Variants in SH3KBP1 observed in about 807,000 individuals in gnomAD.
The protein encoded by SH3KBP1 is SH3 domain-containing kinase-binding protein 1.
Under a neutral mutation model 50.1 loss-of-function variants are expected in SH3KBP1, and 8 were observed. The ratio of observed to expected loss-of-function variants is 0.16; its 90% confidence interval spans 0.09 to 0.29. The LOEUF (loss-of-function observed/expected upper bound fraction) is 0.29. Among genes scored for constraint, SH3KBP1 ranks in the 10% least tolerant of loss-of-function variants. The pLI, the probability that SH3KBP1 is intolerant of heterozygous loss-of-function variation, is 1.00. For missense variants in SH3KBP1, 377 were observed against 535.2 expected, an observed-to-expected ratio of 0.70 and a Z score of 2.92; for synonymous variants, 227 against 218.6, an observed-to-expected ratio of 1.04 and a Z score of -0.34.
At chrX:19,875,565 G>C (rs1321437729) in intron 1 of SH3KBP1, among the ~76,000 whole-genome samples, 4 of 112,377 alleles carry the variant, frequency 3.6e-5, no homozygotes, top group Admixed American at 1.9e-4. Context: ...ACAGGGCAGG[G>C]CTTCATTTGG....
intron 2 of SH3KBP1, among the ~76,000 whole-genome samples, chrX:19,822,717 A>C (rs1453180002): frequency 8.9e-6 from 1 of 112,026 alleles, no homozygotes; most frequent in Non-Finnish European, 1.9e-5. Context: ...GTGATTGTTT[A>C]AATTGTACCT....
At chrX:19,816,201 C>T (rs1390384488) in intron 2 of SH3KBP1, among the ~76,000 whole-genome samples, 2 of 112,401 alleles carry the variant, frequency 1.8e-5, no homozygotes, top group African/African-American at 6.5e-5. Context: ...TCCTAATGGC[C>T]ATTCTAATAG....
At chrX:19,804,871 G>A (rs865975153) in intron 2 of SH3KBP1, among the ~76,000 whole-genome samples, 1 of 8,209 alleles carries the variant, frequency 1.2e-4, no homozygotes, top group Admixed American at 1.2e-3. Context: ...CCCGCCCCCA[G>A]CCCAAACCCT....
At chrX:19,823,088 G>T (rs940908566) in intron 2 of SH3KBP1, among the ~76,000 whole-genome samples, 1 of 111,396 alleles carries the variant, frequency 9.0e-6, no homozygotes, top group African/African-American at 3.3e-5. Context: ...TCCTCTCCAA[G>T]ATTTTCCCCA....
chrX:19,542,887 C>A (rs898901664), intron 15 of SH3KBP1, among the ~76,000 whole-genome samples: 1 of 111,658 alleles, frequency 9.0e-6, no homozygotes, highest in Non-Finnish European at 1.9e-5. Flanking sequence ...GAAGTACAAG[C>A]GGCTAGGCGA....
intron 5 of SH3KBP1, among the ~76,000 whole-genome samples, chrX:19,694,412 G>C (rs1352429052): frequency 9.0e-6 from 1 of 110,923 alleles, no homozygotes; most frequent in Non-Finnish European, 1.9e-5. Context: ...TGTTAATAGA[G>C]AATCCCCCTG....
intron 13 of SH3KBP1, among the ~76,000 whole-genome samples, chrX:19,553,339 GT>G (rs755036229): frequency 9.0e-6 from 1 of 111,440 alleles, no homozygotes; most frequent in Non-Finnish European, 1.9e-5. Flanking sequence ...CCACCTGGCA[GT>G]TTAGGATTTC....
At chrX:19,549,339 A>G (rs1377502760) in intron 14 of SH3KBP1, among the ~76,000 whole-genome samples, 2 of 112,401 alleles carry the variant, frequency 1.8e-5, no homozygotes, top group Non-Finnish European at 3.8e-5. Context: ...TTTCTTCTTT[A>G]TACATTTTGT....
At chrX:19,793,261 G>T (rs1356712479) in intron 2 of SH3KBP1, among the ~76,000 whole-genome samples, 1 of 106,889 alleles carries the variant, frequency 9.4e-6, no homozygotes, top group African/African-American at 3.5e-5. Context: ...TCACACCACT[G>T]CACTCTGGCC....
intron 2 of SH3KBP1, among the ~76,000 whole-genome samples, chrX:19,805,600 C>T (rs1603255105): frequency 9.2e-6 from 1 of 108,665 alleles, no homozygotes; most frequent in African/African-American, 3.4e-5. Context: ...GTTCTCCGAA[C>T]CTGACAGATT....
intron 1 of SH3KBP1, among the ~76,000 whole-genome samples, chrX:19,872,178 G>A (rs942420782): frequency 2.0e-5 from 2 of 99,099 alleles, no homozygotes; most frequent in African/African-American, 7.5e-5. Context: ...CTTGAACCCA[G>A]GAGGTGGAGG....
At chrX:19,556,971 T>C (rs1384566365) in intron 13 of SH3KBP1, among the ~76,000 whole-genome samples, 1 of 112,029 alleles carries the variant, frequency 8.9e-6, no homozygotes, top group African/African-American at 3.2e-5. Flanking sequence ...CATGCCTTGC[T>C]ATAAACAAGT....
intron 6 of SH3KBP1, among the ~76,000 whole-genome samples, chrX:19,677,004 CA>C (rs2062944421): frequency 8.9e-6 from 1 of 112,239 alleles, no homozygotes; most frequent in African/African-American, 3.2e-5. Context: ...ATCCAGTAAA[CA>C]ACCAACCTGG....
chrX:19,805,747 G>C (rs758703883), intron 2 of SH3KBP1, among the ~76,000 whole-genome samples: 34 of 110,804 alleles, frequency 3.1e-4, no homozygotes, highest in Admixed American at 2.3e-3. Flanking sequence ...ACCAGCCCAC[G>C]TCGAGACCTG....
At chrX:19,565,165 G>A (rs1363743571) in intron 13 of SH3KBP1, among the ~76,000 whole-genome samples, 3 of 102,303 alleles carry the variant, frequency 2.9e-5, no homozygotes, top group Non-Finnish European at 3.9e-5. Flanking sequence ...GGGTTCAAGC[G>A]ATTCTCCTGC....
intron 8 of SH3KBP1, among the ~76,000 whole-genome samples, chrX:19,609,780 A>G (rs755529369): frequency 1.6e-4 from 18 of 112,095 alleles, no homozygotes; most frequent in Non-Finnish European, 2.8e-4. Flanking sequence ...ACCCCCAGCC[A>G]TGTACACAAT....
At position 19,781,880 on chromosome X, in the gene SH3KBP1, T is replaced by C. The variant is rs764925465; in HGVS notation, c.163-35439A>G. On this transcript the variant is annotated intron_variant, in intron 2 of 17. Coordinates refer to ENST00000397821, the MANE Select transcript of SH3KBP1 (RefSeq NM_031892.3). ...TATTTAAAATGTGCCTCAATAAAGT[T>C]ACTTTCTGAAGGATTTTTTTAAATG... Among the ~76,000 whole-genome samples the C allele has an allele frequency of 3.6e-5, 4 of 111,981 alleles. No individual in the cohort carries two copies. In the South Asian group the frequency reaches 1.5e-3, roughly 42 times the overall value.
At chrX:19,677,683 G>A (rs771240734) in intron 6 of SH3KBP1, among the ~76,000 whole-genome samples, 1 of 112,299 alleles carries the variant, frequency 8.9e-6, no homozygotes, top group Non-Finnish European at 1.9e-5. Flanking sequence ...CAATCTTCAA[G>A]TCCTCCCTCT....
intron 2 of SH3KBP1, among the ~76,000 whole-genome samples, chrX:19,746,720 A>C (rs935672363): frequency 4.5e-5 from 5 of 111,891 alleles, no homozygotes; most frequent in African/African-American, 9.8e-5. Context: ...GTGAAACATA[A>C]AAGCCACCAT....
Sources: allele counts gnomAD v4.1 joint callset (sites outside exome capture counted in the v4.1 genomes callset), GRCh38; gene constraint gnomAD v4.1.1; transcripts MANE v1.5; gene names NCBI Gene and HGNC (gene_info 2026-07-23, HGNC 2026-07-21).